The following DAB1 variants were observed in gnomAD, a reference collection of about 807,000 sequenced individuals.
The protein encoded by DAB1 is disabled homolog 1.
Under a neutral mutation model 64.6 loss-of-function variants are expected in DAB1, and 15 were observed. The observed-to-expected ratio is 0.23, with a 90% CI of 0.16 to 0.36. The LOEUF (loss-of-function observed/expected upper bound fraction) is 0.36, where lower values mean the gene tolerates loss of function less well. DAB1 is among the 10% of genes least tolerant of loss of function. DAB1 has a pLI of 1.00. For synonymous variants in DAB1, 235 were observed against 251.9 expected (o/e 0.93, Z 0.64); for missense variants, 596 against 706.7 (o/e 0.84, Z 1.78).
At chr1:58,290,411 G>A (rs1015896412) in intron 4 of DAB1, among the ~76,000 whole-genome samples, 4 of 152,180 alleles carry the variant, frequency 2.6e-5, no homozygotes, top group African/African-American at 7.2e-5. Flanking sequence ...GATATGGGAA[G>A]AGGGGACTGT....
At chr1:58,475,301 A>G (rs1569851402) in intron 3 of DAB1, among the ~76,000 whole-genome samples, 1 of 152,076 alleles carries the variant, frequency 6.6e-6, no homozygotes. Context: ...AATTACAGGC[A>G]CCTGCCACCA....
chr1:57,261,686 T>C (rs1670192986), intron 2 of DAB1, among the ~76,000 whole-genome samples: 1 of 152,160 alleles, frequency 6.6e-6, no homozygotes. Context: ...ATCTGCTGAC[T>C]AGTGAATGAA....
chr1:57,252,039 A>G (rs1389409404), intron 2 of DAB1, among the ~76,000 whole-genome samples: 1 of 152,248 alleles, frequency 6.6e-6, no homozygotes, highest in African/African-American at 2.4e-5. Context: ...CTTAAGGATA[A>G]GTCACAGCTA....
chr1:57,746,427 T>A (rs1233467704), intron 6 of DAB1, among the ~76,000 whole-genome samples: 1 of 152,200 alleles, frequency 6.6e-6, no homozygotes, highest in Non-Finnish European at 1.5e-5. Flanking sequence ...TTGTATTTTT[T>A]GTTATTATTT....
intron 5 of DAB1, among the ~76,000 whole-genome samples, chr1:57,935,261 C>A (rs1645009047): frequency 6.6e-6 from 1 of 152,156 alleles, no homozygotes; most frequent in South Asian, 2.1e-4. Context: ...TGTATGGCCT[C>A]TATTAAGTTG....
chr1:58,158,718 C>T (rs568531045), intron 4 of DAB1, among the ~76,000 whole-genome samples: 2 of 152,272 alleles, frequency 1.3e-5, no homozygotes, highest in African/African-American at 2.4e-5. Context: ...GATCATACCC[C>T]GGAAGGAGGA....
chr1:57,375,417 A>G (rs1451569471), intron 1 of DAB1, among the ~76,000 whole-genome samples: 1 of 152,190 alleles, frequency 6.6e-6, no homozygotes, highest in Non-Finnish European at 1.5e-5. Flanking sequence ...CCCTGGTGAC[A>G]AAGGCCATGC....
chr1:58,006,467 A>G lies in DAB1; in HGVS notation n.388-122305T>C, dbSNP rs377346170. ...ACTACTGGTAAGTATTGCAGAAATA[A>G]GGATATTTAGGATCACAAAGATGAA... On this transcript the variant is annotated intron_variant and non_coding_transcript_variant, in intron 5 of 20. Transcript: ENST00000485760. Among the ~76,000 whole-genome samples the G allele has an allele frequency of 1.2e-4, 18 of 152,316 alleles. 1 individual carries two copies. The South Asian group carries it at 1.5e-3, about 12-fold the overall frequency.
At chr1:57,869,800 G>A (rs1463221317) in intron 1 of DAB1, among the ~76,000 whole-genome samples, 1 of 152,074 alleles carries the variant, frequency 6.6e-6, no homozygotes, top group East Asian at 1.9e-4. Context: ...GGAGGTCTGT[G>A]CTGCAAAGAG....
Position 57,325,216 on chromosome 1 carries a change from A to T in DAB1, c.-136-34050T>A, listed in dbSNP as rs549351443. Among the ~76,000 whole-genome samples, 4 of 152,330 alleles carry T rather than the reference A, an allele frequency of 2.6e-5. No homozygotes were observed. In the South Asian group the frequency reaches 8.3e-4, roughly 32 times the overall value. ...ACCAGAGGGAGAAAGAGCAGCTCCC[A>T]TTCCCTTGGCACATCTCTGTACACA... On this transcript the variant is annotated intron_variant, in intron 1 of 14. Transcript: ENST00000371236.
rs755157856 is a variant in DAB1 at position 58,300,647 on chromosome 1, AG to A, written n.309+42704del. On this transcript the variant is annotated intron_variant and non_coding_transcript_variant, in intron 4 of 20. Transcript: ENST00000485760. ...GAGAGAGAGAGAGAGAGAGAGAGAG[AG>A]GAAGGAAGGAAGGAAGGAAGGAAGG... Among the ~76,000 whole-genome samples, 138 of 41,736 alleles carry A rather than the reference AG, an allele frequency of 3.3e-3. 3 individuals are homozygous for A. Among genetic ancestry groups the A allele is most frequent in the Admixed American group, 5.0e-3 (21 of 4,208 alleles). 27.4% of individuals were successfully genotyped at this position (41,736 alleles called of 152,430 possible). A position where few individuals can be genotyped will look rare whatever the true frequency, so the allele number is the denominator to read the frequency against.
At chr1:57,530,392 T>A (rs992556253) in intron 7 of DAB1, among the ~76,000 whole-genome samples, 1 of 152,202 alleles carries the variant, frequency 6.6e-6, no homozygotes, top group Non-Finnish European at 1.5e-5. Flanking sequence ...GTTGGGCACA[T>A]GAACCAATAT....
chr1:58,295,190 T>C (rs1042426066), intron 4 of DAB1, among the ~76,000 whole-genome samples: 8 of 152,146 alleles, frequency 5.3e-5, no homozygotes, highest in Non-Finnish European at 8.8e-5. Context: ...GGGCAATGAC[T>C]ATTTTATTCA....
intron 5 of DAB1, among the ~76,000 whole-genome samples, chr1:58,032,700 C>T (rs1383546331): frequency 6.6e-6 from 1 of 152,220 alleles, no homozygotes; most frequent in Non-Finnish European, 1.5e-5. Context: ...CCTTCCAATC[C>T]ACCCTTCACT....
At chr1:57,188,956 C>A (rs1663865162) in intron 2 of DAB1, among the ~76,000 whole-genome samples, 1 of 152,102 alleles carries the variant, frequency 6.6e-6, no homozygotes, top group Non-Finnish European at 1.5e-5. Context: ...AAATCAGCAA[C>A]AGAATCTCAA....
chr1:57,213,748 G>C (rs1666207577), intron 2 of DAB1, among the ~76,000 whole-genome samples: 1 of 152,158 alleles, frequency 6.6e-6, no homozygotes, highest in Admixed American at 6.5e-5. Context: ...AAATGAAGTA[G>C]TTCAACCAAC....
chr1:57,012,836 A>T (rs920728842), intron 12 of DAB1, among the ~76,000 whole-genome samples: 1 of 152,368 alleles, frequency 6.6e-6, no homozygotes, highest in Admixed American at 6.5e-5. Context: ...ACACAAGCTG[A>T]GTTGCCAGTT....
At position 58,025,663 on chromosome 1, in the gene DAB1, A is replaced by G. The variant is rs569483321; in HGVS notation, n.387+124848T>C. 2.7e-3 allele frequency among the ~76,000 whole-genome samples: 379 copies of G among 140,238 alleles called. 5 individuals carry two copies. The highest frequency in any genetic ancestry group is 4.4e-3 in the Non-Finnish European group (288 of 65,316). The allele number at this position is 140,238 out of a possible 152,430, so 92.0% of individuals were successfully genotyped here. On this transcript the variant is annotated intron_variant and non_coding_transcript_variant, in intron 5 of 20. Transcript: ENST00000485760. ...TATATATATGTGTGTATATATATATATATATATATATATATATATATATGG... is the reference window on the plus strand; with the variant it reads ...TATATATATGTGTGTATATATATATGTATATATATATATATATATATATGG...
At chr1:57,434,864 C>T (rs1161434971) in intron 7 of DAB1, among the ~76,000 whole-genome samples, 1 of 151,932 alleles carries the variant, frequency 6.6e-6, no homozygotes, top group Non-Finnish European at 1.5e-5. Flanking sequence ...CTATATAGAG[C>T]ACTTACTATG....
Sources: gnomAD v4.1 joint callset for allele counts (sites outside exome capture counted in the v4.1 genomes callset) on GRCh38, gnomAD v4.1.1 for gene constraint, MANE v1.5 for transcripts, NCBI Gene and HGNC (gene_info 2026-07-23, HGNC 2026-07-21) for gene names.